EREG: variants seen among roughly 807,000 people sequenced by gnomAD.
The protein encoded by EREG is proepiregulin.
EREG carries 23 observed loss-of-function variants against 22.4 expected under a neutral mutation model. The observed-to-expected ratio is 1.03, with a 90% CI of 0.74 to 1.46. The LOEUF (loss-of-function observed/expected upper bound fraction) is 1.46. EREG is among the 40% of genes most tolerant of loss of function. The probability of loss-of-function intolerance (pLI) is 0.00; values close to 1 mark genes in which losing one functional copy is unlikely to be tolerated. For synonymous variants in EREG, 100 were observed against 75.4 expected (o/e 1.33, Z -1.69); for missense variants, 226 against 205.9 (o/e 1.10, Z -0.60).
rs1027550128 is a variant in EREG, at chr4:74,385,938, G to A, written c.*1130G>A. ...GAAAAAACTTAAAAATTAATATGGTGTATTTTTCCAAATGAAAAATCTCAA... is the reference window on the plus strand; with the variant it reads ...GAAAAAACTTAAAAATTAATATGGTATATTTTTCCAAATGAAAAATCTCAA... On this transcript the variant is annotated 3_prime_UTR_variant, in exon 5 of 5. Coordinates refer to ENST00000244869, the MANE Select transcript of EREG (RefSeq NM_001432.3). 9 of 392,884 alleles carry A rather than the reference G, an allele frequency of 2.3e-5. No homozygotes were observed. Among genetic ancestry groups the A allele is most frequent in the East Asian group, 3.6e-5 (1 of 27,804 alleles). The allele number at this position is 392,884 out of a possible 1,614,324, so 24.3% of individuals were successfully genotyped here.
At chr4:74,370,818 C>T (rs1752277268) in intron 1 of EREG, among the ~76,000 whole-genome samples, 1 of 152,170 alleles carries the variant, frequency 6.6e-6, no homozygotes, top group Admixed American at 6.5e-5. Flanking sequence ...TCTACCCCAC[C>T]TCATTCCTTG....
Position 74,387,923 on chromosome 4 carries a change from A to G in EREG, c.*3115A>G, listed in dbSNP as rs1251436637. 2.6e-5 allele frequency: 4 copies of G among 152,196 alleles called. No individual in the cohort carries two copies. Among genetic ancestry groups the G allele is most frequent in the African/African-American group, 4.8e-5 (2 of 41,458 alleles). The allele number at this position is 152,196 out of a possible 1,614,324, so 9.4% of individuals were successfully genotyped here. A position where few individuals can be genotyped will look rare whatever the true frequency, so the allele number is the denominator to read the frequency against. On this transcript the variant is annotated 3_prime_UTR_variant, in exon 5 of 5. Coordinates refer to ENST00000244869, the MANE Select transcript of EREG (RefSeq NM_001432.3). ...AAGATTTCCTTAACCTTAACCTTAA[A>G]ATTGATATTATATTAAACATACATA...
rs137906252 is a variant in EREG, at chr4:74,365,358, C to G, written c.50C>G (p.Ala17Gly). 42 of 1,610,984 alleles carry G rather than the reference C, an allele frequency of 2.6e-5. No individual in the cohort carries two copies. The African/African-American group carries it at 5.3e-4, about 20-fold the overall frequency. ...ATGCTCTGTGCCGGCAGGGTCCCTG[C>G]GCTGCTGCTCTGCCTGGGTAAGTTC... ...MEMLCAGRVPALLLCLGFHLL... is the reference protein window; with the variant it reads ...MEMLCAGRVPGLLLCLGFHLL... Residue 17 changes from alanine to glycine, a missense_variant, in exon 1 of 5, where the codon GCG becomes GGG. Physicochemically the swap from Ala to Gly is moderately conservative, Grantham distance 60. Transcript: ENST00000244869.
chr4:74,381,293 G>A (rs1427337509), intron 3 of EREG, 156 bp downstream of exon 3: 3 of 605,668 alleles, frequency 5.0e-6, no homozygotes, highest in Non-Finnish European at 8.3e-6. Context: ...AACCCATTAG[G>A]TAATTTTTCA....
rs1423958200 is a variant in EREG, at chr4:74,388,448, CT to C, written c.*3641del. 1.3e-5 allele frequency: 2 copies of C among 152,422 alleles called. No homozygotes were observed. Among genetic ancestry groups the C allele is most frequent in the African/African-American group, 4.8e-5 (2 of 41,402 alleles). The allele number at this position is 152,422 out of a possible 1,614,324, so 9.4% of individuals were successfully genotyped here. A position where few individuals can be genotyped will look rare whatever the true frequency, so the allele number is the denominator to read the frequency against. The stretch of plus-strand genomic sequence containing the variant: ...ATGTATTTTCTTTTTATTTTGCACT[CT>C]GTAATTGCACTTTTTAAGTTTGAAG... On this transcript the variant is annotated 3_prime_UTR_variant, in exon 5 of 5. Transcript: ENST00000244869.
chr4:74,372,866 G>C (rs1427526464), intron 1 of EREG, among the ~76,000 whole-genome samples: 5 of 146,710 alleles, frequency 3.4e-5, no homozygotes, highest in African/African-American at 1.0e-4. Flanking sequence ...GGAGTGCAGT[G>C]GGGTGATCTC....
intron 4 of EREG, among the ~76,000 whole-genome samples, chr4:74,383,809 T>C (rs890532278): frequency 4.6e-4 from 70 of 152,170 alleles, no homozygotes; most frequent in Non-Finnish European, 7.9e-4. Context: ...CCTAATAAGT[T>C]GCCATGACAG....
At chr4:74,383,202 T>A (rs147640742) in intron 4 of EREG, among the ~76,000 whole-genome samples, 1 of 152,316 alleles carries the variant, frequency 6.6e-6, no homozygotes, top group East Asian at 1.9e-4. Context: ...GAAATTATTA[T>A]CTTACATTAG....
At chr4:74,371,183 T>C (rs1266114915) in intron 1 of EREG, among the ~76,000 whole-genome samples, 1 of 152,162 alleles carries the variant, frequency 6.6e-6, no homozygotes, top group African/African-American at 2.4e-5. Context: ...TTAGAACCAA[T>C]AACATAAAAT....
intron 1 of EREG, among the ~76,000 whole-genome samples, chr4:74,368,554 G>T (rs1294529537): frequency 6.6e-6 from 1 of 151,936 alleles, no homozygotes; most frequent in Non-Finnish European, 1.5e-5. Context: ...TATTTCCTTG[G>T]TTTAAAAAAA....
In EREG at chr4:74,388,315, T is replaced by C. The variant is rs893270330; in HGVS notation, c.*3507T>C. The C allele has an allele frequency of 1.1e-4, 16 of 152,152 alleles. No homozygotes were observed. The highest frequency in any genetic ancestry group is 2.7e-4 in the African/African-American group (11 of 41,426). 9.4% of individuals were successfully genotyped at this position (152,152 alleles called of 1,614,324 possible). A position where few individuals can be genotyped will look rare whatever the true frequency, so the allele number is the denominator to read the frequency against. On this transcript the variant is annotated 3_prime_UTR_variant, in exon 5 of 5. Coordinates refer to ENST00000244869, the MANE Select transcript of EREG (RefSeq NM_001432.3). ...CTTGTTCATATGGGAGAAGGGGGAG[T>C]AATGACTTGTACAAACAGTATTTCT...
At chr4:74,379,368 T>C in intron 1 of EREG, 80 bp from the exon 2 acceptor site, 1 of 848,672 alleles carries the variant, frequency 1.2e-6, no homozygotes, top group East Asian at 2.4e-5. Flanking sequence ...ACTCTATAAG[T>C]ACTGCAGTTA....
chr4:74,367,320 C>A (rs1752202504), intron 1 of EREG, among the ~76,000 whole-genome samples: 1 of 152,184 alleles, frequency 6.6e-6, no homozygotes, highest in Non-Finnish European at 1.5e-5. Flanking sequence ...AGAGTCCACA[C>A]TTGGGCTTGC....
chr4:74,380,952 AAG>A, intron 2 of EREG, 60 bp from the exon 3 acceptor site: 1 of 1,560,154 alleles, frequency 6.4e-7, no homozygotes, highest in Non-Finnish European at 8.7e-7. Flanking sequence ...ACTGTTATGA[AAG>A]AGTGAGAAAT....
chr4:74,377,360 A>T (rs1752399724), intron 1 of EREG, among the ~76,000 whole-genome samples: 1 of 152,150 alleles, frequency 6.6e-6, no homozygotes, highest in African/African-American at 2.4e-5. Flanking sequence ...CAGCTATCAT[A>T]ATTTGTTCTC....
At chr4:74,371,923 A>T (rs947685508) in intron 1 of EREG, among the ~76,000 whole-genome samples, 1 of 150,894 alleles carries the variant, frequency 6.6e-6, no homozygotes, top group East Asian at 1.9e-4. Flanking sequence ...TACCACCCTT[A>T]GGTGTCCAAC....
chr4:74,375,706 C>T (rs2110386347), intron 1 of EREG, among the ~76,000 whole-genome samples: 2 of 152,176 alleles, frequency 1.3e-5, no homozygotes. Flanking sequence ...CATTGGATCG[C>T]ATTCACTCTT....
At chr4:74,377,158 G>GAAAA (rs57339854) in intron 1 of EREG, among the ~76,000 whole-genome samples, 2 of 78,074 alleles carry the variant, frequency 2.6e-5, no homozygotes, top group African/African-American at 3.8e-5. Flanking sequence ...AGCCATTTCA[G>GAAAA]AAAAAAAAAA....
chr4:74,380,748 C>T (rs1354566272), intron 2 of EREG, among the ~76,000 whole-genome samples: 1 of 152,200 alleles, frequency 6.6e-6, no homozygotes, highest in Non-Finnish European at 1.5e-5. Context: ...CTTCTCTACC[C>T]TTACAGGTTG....
Sources: allele counts gnomAD v4.1 joint callset (sites outside exome capture counted in the v4.1 genomes callset), GRCh38; gene constraint gnomAD v4.1.1; transcripts MANE v1.5; gene names NCBI Gene and HGNC (gene_info 2026-07-23, HGNC 2026-07-21).